Variants in KATNAL1 observed in about 807,000 individuals in gnomAD.
KATNAL1 encodes the protein katanin catalytic subunit A1 like 1, also known as katanin p60 ATPase-containing subunit A-like 1.
Under a neutral mutation model 55.2 loss-of-function variants are expected in KATNAL1, and 32 were observed. The ratio of observed to expected loss-of-function variants is 0.58; its 90% confidence interval spans 0.44 to 0.78. The LOEUF (loss-of-function observed/expected upper bound fraction) is 0.78. Among genes scored for constraint, KATNAL1 ranks in the 30% least tolerant of loss-of-function variants. KATNAL1 has a pLI of 0.00. For missense variants in KATNAL1, 466 were observed against 600.9 expected, an observed-to-expected ratio of 0.78 and a Z score of 2.35; for synonymous variants, 193 against 193.6, an observed-to-expected ratio of 1.00 and a Z score of 0.02.
chr13:30,278,610 T>A (rs1412192800), intron 3 of KATNAL1, among the ~76,000 whole-genome samples: 4 of 152,216 alleles, frequency 2.6e-5, no homozygotes, highest in African/African-American at 9.6e-5. Flanking sequence ...TTGAAATGAA[T>A]CATGGTGCTC....
chr13:30,214,617 C>T lies in KATNAL1; in HGVS notation c.1148-4175G>A, dbSNP rs568934829. Among the ~76,000 whole-genome samples the T allele has an allele frequency of 4.1e-3, 620 of 152,194 alleles. 1 individual carries two copies. The highest frequency in any genetic ancestry group is 0.016 in the Admixed American group (238 of 15,290). ...AGAACAGAGTCCTCAGAAATAATGC[C>T]GCATATCTACAACTATCTGATCTTT... On this transcript the variant is annotated intron_variant, in intron 9 of 10. Transcript: ENST00000380615.
intron 3 of KATNAL1, among the ~76,000 whole-genome samples, chr13:30,269,682 CGCG>C: frequency 6.6e-6 from 1 of 151,370 alleles, no homozygotes; most frequent in Middle Eastern, 3.5e-3. Flanking sequence ...TCTACCCGGC[CGCG>C]ACCCCGTCTG....
rs1247337998 is a variant in KATNAL1 at position 30,249,053 on chromosome 13, C to T, written c.492+6394G>A. 4.4e-5 allele frequency among the ~76,000 whole-genome samples: 5 copies of T among 114,586 alleles called. No homozygotes were observed. The South Asian group carries it at 1.0e-3, about 23-fold the overall frequency. The allele number at this position is 114,586 out of a possible 152,430, so 75.2% of individuals were successfully genotyped here. A position where few individuals can be genotyped will look rare whatever the true frequency, so the allele number is the denominator to read the frequency against. Reference sequence around the variant, plus strand: ...CAGCCTGGGCAACAGAGCGAGACTCCGTCTCAAAAAAAAAAAAAAATTACA... The same window carrying T: ...CAGCCTGGGCAACAGAGCGAGACTCTGTCTCAAAAAAAAAAAAAAATTACA... On this transcript the variant is annotated intron_variant, in intron 4 of 10. Coordinates refer to ENST00000380615, the MANE Select transcript of KATNAL1 (RefSeq NM_032116.5).
At position 30,255,472 on chromosome 13, in the gene KATNAL1, T is replaced by C. The variant is rs377222240; in HGVS notation, c.467A>G (p.Tyr156Cys). 1.4e-5 allele frequency: 22 copies of C among 1,586,076 alleles called. No homozygotes were observed. Among genetic ancestry groups the C allele is most frequent in the African/African-American group, 1.1e-4 (8 of 73,032 alleles). Residue 156 changes from tyrosine to cysteine, a missense_variant, in exon 4 of 11, where the codon TAT (tyrosine) becomes TGT (cysteine). This residue lies in a region of KATNAL1 where 248 missense variants were observed against 275.5 expected (regional missense o/e 0.90). Coordinates refer to ENST00000380615, the MANE Select transcript of KATNAL1 (RefSeq NM_032116.5). Reference sequence around the variant, plus strand: ...CTTGTCATCTCTCCCTCTTGCTCTATAGTCCTTGTCCCTACTTGTAGAAGG... The same window carrying C: ...CTTGTCATCTCTCCCTCTTGCTCTACAGTCCTTGTCCCTACTTGTAGAAGG... ...EKPSTSRDKDYRARGRDDKGR... is the reference protein window; with the variant it reads ...EKPSTSRDKDCRARGRDDKGR...
chr13:30,282,975 A>G (rs1423642286), intron 2 of KATNAL1, among the ~76,000 whole-genome samples: 2 of 149,500 alleles, frequency 1.3e-5, no homozygotes, highest in Non-Finnish European at 3.0e-5. Context: ...AGAAAAAAAA[A>G]AAAGAAAAAA....
At chr13:30,270,259 GCC>G (rs1383628874) in intron 3 of KATNAL1, among the ~76,000 whole-genome samples, 1 of 132,734 alleles carries the variant, frequency 7.5e-6, no homozygotes, top group Non-Finnish European at 1.7e-5. Flanking sequence ...TGGGGGGTCA[GCC>G]CCCCCGCCCG....
intron 3 of KATNAL1, among the ~76,000 whole-genome samples, chr13:30,263,053 G>A (rs1413501339): frequency 6.6e-6 from 1 of 152,166 alleles, no homozygotes; most frequent in Admixed American, 6.5e-5. Context: ...TGGGATGCAA[G>A]GCTGGTTCAA....
At chr13:30,294,677 G>A (rs1159919269) in intron 1 of KATNAL1, among the ~76,000 whole-genome samples, 1 of 152,222 alleles carries the variant, frequency 6.6e-6, no homozygotes, top group Non-Finnish European at 1.5e-5. Context: ...TTTCAATGTA[G>A]ACAAAATAGC....
At position 30,255,717 on chromosome 13, in the gene KATNAL1, A is replaced by C. The variant is rs1298037753; in HGVS notation, c.324-102T>G. 5.3e-6 allele frequency: 6 copies of C among 1,124,574 alleles called. No homozygotes were observed. In the East Asian group the frequency reaches 1.9e-4, roughly 37 times the overall value. 69.7% of individuals were successfully genotyped at this position (1,124,574 alleles called of 1,614,324 possible). On this transcript the variant is annotated intron_variant, in intron 3 of 10. Coordinates refer to ENST00000380615, the MANE Select transcript of KATNAL1 (RefSeq NM_032116.5). The stretch of plus-strand genomic sequence containing the variant: ...AGTCAATAAAATTGTTAAATCAAAA[A>C]GCCCGAAAGCTAATTTTTTCACCTT...
intron 6 of KATNAL1, among the ~76,000 whole-genome samples, chr13:30,237,235 C>T (rs1053804503): frequency 2.6e-5 from 4 of 152,024 alleles, no homozygotes; most frequent in African/African-American, 9.7e-5. Flanking sequence ...TATGTATTTA[C>T]CCAGTGTAAA....
chr13:30,210,476 T>A, intron 9 of KATNAL1, 34 bp from the exon 10 acceptor site: 15 of 1,570,666 alleles, frequency 9.6e-6, no homozygotes, highest in Non-Finnish European at 1.3e-5. Context: ...TGTTAGATGT[T>A]TTACTTTACA....
intron 4 of KATNAL1, among the ~76,000 whole-genome samples, chr13:30,250,855 T>C (rs1044949104): frequency 3.3e-5 from 5 of 152,204 alleles, no homozygotes; most frequent in Non-Finnish European, 7.3e-5. Context: ...TTAAAAATAC[T>C]TGGCTGGGCG....
At chr13:30,270,285 TCCAGGAGGGAGGTGGGGGGTCAGCCC>T (rs1880214909) in intron 3 of KATNAL1, among the ~76,000 whole-genome samples, 2 of 135,234 alleles carry the variant, frequency 1.5e-5, no homozygotes, top group East Asian at 4.8e-4. Context: ...AGCCACCCCG[TCCAGGAGGGAGGTGGGGGGTCAGCCC>T]CCCGCCCGGC....
intron 4 of KATNAL1, among the ~76,000 whole-genome samples, chr13:30,247,850 A>G (rs1429609333): frequency 6.6e-6 from 1 of 152,234 alleles, no homozygotes; most frequent in Non-Finnish European, 1.5e-5. Flanking sequence ...AGCCAGGGAC[A>G]GTGTGTTCTC....
At chr13:30,212,551 A>G (rs1873791728) in intron 9 of KATNAL1, among the ~76,000 whole-genome samples, 1 of 152,202 alleles carries the variant, frequency 6.6e-6, no homozygotes, top group Non-Finnish European at 1.5e-5. Flanking sequence ...AACTCCAGCA[A>G]AGGTGCCACC....
At chr13:30,272,404 A>C (rs1880449902) in intron 3 of KATNAL1, among the ~76,000 whole-genome samples, 1 of 152,174 alleles carries the variant, frequency 6.6e-6, no homozygotes. Flanking sequence ...TCTCAAAAAA[A>C]AGAAAGAAAA....
At chr13:30,268,023 T>A (rs953361657) in intron 3 of KATNAL1, among the ~76,000 whole-genome samples, 3 of 152,182 alleles carry the variant, frequency 2.0e-5, no homozygotes, top group African/African-American at 7.2e-5. Context: ...TTTTTCTACT[T>A]GGGTCTATGT....
chr13:30,271,008 G>A (rs7139443), intron 3 of KATNAL1, among the ~76,000 whole-genome samples: 6,203 of 152,188 alleles, frequency 0.041, 432 homozygotes, highest in African/African-American at 0.14. Context: ...AAATAAGGTG[G>A]TCAGGGTAGG....
intron 2 of KATNAL1, among the ~76,000 whole-genome samples, chr13:30,282,406 G>C (rs1881426868): frequency 6.6e-6 from 1 of 152,160 alleles, no homozygotes; most frequent in South Asian, 2.1e-4. Context: ...GAGAGGCCAA[G>C]GCAGGAGGAT....
Sources: gnomAD v4.1 joint callset for allele counts (sites outside exome capture counted in the v4.1 genomes callset) on GRCh38, gnomAD v4.1.1 for gene constraint, gnomAD v4.1.1 regional missense constraint, MANE v1.5 for transcripts, NCBI Gene and HGNC (gene_info 2026-07-23, HGNC 2026-07-21) for gene names.